MEGF10: variants seen among roughly 807,000 people sequenced by gnomAD.
The protein encoded by MEGF10 is multiple EGF like domains 10, also known as multiple epidermal growth factor-like domains protein 10.
A neutral mutation model predicts 147.5 loss-of-function variants in MEGF10; 86 were observed. That is an observed-to-expected ratio of 0.58 (90% CI 0.49 to 0.70). The LOEUF (loss-of-function observed/expected upper bound fraction) is 0.70, where lower values mean the gene tolerates loss of function less well. Ranked by LOEUF, MEGF10 falls within the 30% of genes least tolerant of loss-of-function variation. The pLI is 0.00. For synonymous variants in MEGF10, 478 were observed against 525.5 expected (o/e 0.91, Z 1.24); for missense variants, 1,329 against 1,487.3 (o/e 0.89, Z 1.75).
intron 4 of MEGF10, among the ~76,000 whole-genome samples, chr5:127,351,124 TA>T (rs1213615863): frequency 1.3e-5 from 2 of 152,178 alleles, no homozygotes; most frequent in African/African-American, 2.4e-5. Context: ...AATTGTACTT[TA>T]AAAAATAACT....
intron 4 of MEGF10, among the ~76,000 whole-genome samples, chr5:127,345,016 A>G (rs1216659448): frequency 1.3e-5 from 2 of 152,184 alleles, no homozygotes; most frequent in Non-Finnish European, 2.9e-5. Context: ...AAGATCCTGA[A>G]GATTTTAAGT....
intron 11 of MEGF10, among the ~76,000 whole-genome samples, chr5:127,419,795 G>T (rs2126972316): frequency 6.6e-6 from 1 of 152,190 alleles, no homozygotes; most frequent in East Asian, 1.9e-4. Context: ...CTCTTTTTCA[G>T]TAGCCCACTA....
chr5:127,347,892 T>C (rs1263013674), intron 4 of MEGF10, among the ~76,000 whole-genome samples: 1 of 152,088 alleles, frequency 6.6e-6, no homozygotes, highest in East Asian at 1.9e-4. Flanking sequence ...AGATGGGTTC[T>C]CATGCCTATT....
chr5:127,264,925 T>G, the MEGF10 span, among the ~76,000 whole-genome samples: 1 of 152,152 alleles, frequency 6.6e-6, no homozygotes, highest in Non-Finnish European at 1.5e-5. Flanking sequence ...AGGTATTTTT[T>G]TTTTTATTAT....
chr5:127,340,509 C>A (rs371426882), intron 3 of MEGF10, 21 bp from the exon 4 acceptor site: 50 of 1,589,042 alleles, frequency 3.1e-5, no homozygotes, highest in Non-Finnish European at 3.6e-5. Context: ...TGTTTAATAG[C>A]TAATTTTTCC....
chr5:127,423,723 T>A (rs904622661), intron 13 of MEGF10, among the ~76,000 whole-genome samples: 1 of 152,184 alleles, frequency 6.6e-6, no homozygotes, highest in African/African-American at 2.4e-5. Flanking sequence ...GTTAATTTTT[T>A]AACTGGATTT....
chr5:127,239,584 TGTA>T, the MEGF10 span, among the ~76,000 whole-genome samples: 1 of 151,158 alleles, frequency 6.6e-6, no homozygotes, highest in Admixed American at 6.6e-5. Flanking sequence ...GGATGATTGT[TGTA>T]GTACTCTCAT....
chr5:127,341,085 A>G (rs1761664234), intron 4 of MEGF10, among the ~76,000 whole-genome samples: 1 of 152,174 alleles, frequency 6.6e-6, no homozygotes, highest in Non-Finnish European at 1.5e-5. Flanking sequence ...ACATTAAAAA[A>G]TGACAATAAG....
chr5:127,321,794 G>A (rs997884674), intron 1 of MEGF10, among the ~76,000 whole-genome samples: 4 of 152,064 alleles, frequency 2.6e-5, no homozygotes, highest in Non-Finnish European at 5.9e-5. Context: ...TCCCGAGAGA[G>A]GGACCTTGCC....
At chr5:127,342,334 A>G (rs1296875985) in intron 4 of MEGF10, among the ~76,000 whole-genome samples, 2 of 152,124 alleles carry the variant, frequency 1.3e-5, no homozygotes, top group African/African-American at 4.8e-5. Context: ...TACAAGCACA[A>G]CCATCAACAT....
Position 127,457,394 on chromosome 5 carries a change from C to A in MEGF10, c.*76C>A. ...TGGTTCTTCTCCATCCTCAATTTTGCCACTTTCATGTGAATGTTAGTCAAT... is the reference window on the plus strand; with the variant it reads ...TGGTTCTTCTCCATCCTCAATTTTGACACTTTCATGTGAATGTTAGTCAAT... On this transcript the variant is annotated 3_prime_UTR_variant, in exon 25 of 25. Transcript: ENST00000503335. The A allele has an allele frequency of 6.8e-7, 1 of 1,472,844 alleles. No homozygotes were observed. The highest frequency in any genetic ancestry group is 9.0e-7 in the Non-Finnish European group (1 of 1,106,400). 91.2% of individuals were successfully genotyped at this position (1,472,844 alleles called of 1,614,324 possible). A position where few individuals can be genotyped will look rare whatever the true frequency, so the allele number is the denominator to read the frequency against.
the MEGF10 span, among the ~76,000 whole-genome samples, chr5:127,241,879 T>C: frequency 6.6e-6 from 1 of 152,090 alleles, no homozygotes; most frequent in African/African-American, 2.4e-5. Context: ...GCCCAAAGGC[T>C]ATAATTTCCC....
the MEGF10 span, among the ~76,000 whole-genome samples, chr5:127,280,028 A>G: frequency 6.6e-6 from 1 of 152,216 alleles, no homozygotes; most frequent in Non-Finnish European, 1.5e-5. Flanking sequence ...ATATGTGGGC[A>G]AAAGAGTTTA....
the MEGF10 span, among the ~76,000 whole-genome samples, chr5:127,274,509 A>G: frequency 0.016 from 2,508 of 152,264 alleles, 57 homozygotes; most frequent in East Asian, 0.086. Flanking sequence ...TATAATAAAA[A>G]TAGATGGTAA....
At chr5:127,249,413 G>C in the MEGF10 span, among the ~76,000 whole-genome samples, 1 of 151,398 alleles carries the variant, frequency 6.6e-6, no homozygotes, top group African/African-American at 2.4e-5. Flanking sequence ...TAGAGATAGA[G>C]GCAATAAAAT....
At chr5:127,362,145 C>T (rs1223650576) in intron 4 of MEGF10, among the ~76,000 whole-genome samples, 2 of 151,812 alleles carry the variant, frequency 1.3e-5, no homozygotes, top group African/African-American at 4.8e-5. Flanking sequence ...GTATCTATTT[C>T]TCATTGCAGT....
chr5:127,323,808 A>G (rs2126767470), intron 1 of MEGF10, among the ~76,000 whole-genome samples: 1 of 152,308 alleles, frequency 6.6e-6, no homozygotes, highest in East Asian at 1.9e-4. Flanking sequence ...AGTCATCTAA[A>G]GGTTTAACAG....
chr5:127,258,835 C>G, the MEGF10 span, among the ~76,000 whole-genome samples: 1 of 152,172 alleles, frequency 6.6e-6, no homozygotes, highest in African/African-American at 2.4e-5. Flanking sequence ...TGATCTTGAA[C>G]TTCCCAGCCT....
chr5:127,432,083 A>C (rs1378846953), intron 13 of MEGF10, among the ~76,000 whole-genome samples: 5 of 152,228 alleles, frequency 3.3e-5, no homozygotes, highest in Admixed American at 3.3e-4. Flanking sequence ...TCCTTTCTTC[A>C]GCCCATGGTC....
Sources: gnomAD v4.1 joint callset for allele counts (sites outside exome capture counted in the v4.1 genomes callset) on GRCh38, gnomAD v4.1.1 for gene constraint, MANE v1.5 for transcripts, NCBI Gene and HGNC (gene_info 2026-07-23, HGNC 2026-07-21) for gene names.